The following IQSEC1 variants were observed in gnomAD, a reference collection of about 807,000 sequenced individuals.
IQSEC1 encodes IQ motif and Sec7 domain ArfGEF 1, also known as IQ motif and SEC7 domain-containing protein 1.
A neutral mutation model predicts 91.0 loss-of-function variants in IQSEC1; 31 were observed. The ratio of observed to expected loss-of-function variants is 0.34; its 90% confidence interval spans 0.26 to 0.46. The LOEUF (loss-of-function observed/expected upper bound fraction) is 0.46. Ranked by LOEUF, IQSEC1 falls within the 20% of genes least tolerant of loss-of-function variation. IQSEC1 has a pLI of 1.00. For synonymous variants in IQSEC1, 699 were observed against 662.6 expected (o/e 1.05, Z -0.84); for missense variants, 1,388 against 1,575.6 (o/e 0.88, Z 2.02).
chr3:13,068,148 G>T (rs1705297367), intron 1 of IQSEC1, among the ~76,000 whole-genome samples: 1 of 152,254 alleles, frequency 6.6e-6, no homozygotes, highest in Non-Finnish European at 1.5e-5. Flanking sequence ...CCTGCCCCGG[G>T]GCTGGGGCCA....
chr3:12,936,274 T>C lies in IQSEC1; in HGVS notation c.742A>G (p.Ser248Gly). 4 of 1,613,302 alleles carry C rather than the reference T, an allele frequency of 2.5e-6. No individual in the cohort carries two copies. Among genetic ancestry groups the C allele is most frequent in the Non-Finnish European group, 3.4e-6 (4 of 1,179,972 alleles). Residue 248 changes from serine (S) to glycine (G), a missense_variant, in exon 3 of 14, where the codon AGC (serine) becomes GGC (glycine). Physicochemically the swap from Ser to Gly is moderately conservative, Grantham distance 56. Coordinates refer to ENST00000613206, the MANE Select transcript of IQSEC1 (RefSeq NM_001134382.3). ...GCCGGTGCCTCCTCAGTGTGCAGGC[T>C]GCGGCAGTTGAGGGCATCGTCGATG... Reference protein sequence around the residue: ...ESIDDALNCRSLHTEEAPALD... With the variant: ...ESIDDALNCRGLHTEEAPALD...
intron 1 of IQSEC1, among the ~76,000 whole-genome samples, chr3:13,050,629 C>T (rs1389283408): frequency 6.6e-6 from 1 of 152,254 alleles, no homozygotes; most frequent in Non-Finnish European, 1.5e-5. Flanking sequence ...AGCTATGCCA[C>T]CTACTAGCTG....
intron 1 of IQSEC1, among the ~76,000 whole-genome samples, chr3:13,010,721 G>C (rs984776670): frequency 5.9e-5 from 9 of 152,112 alleles, no homozygotes. Context: ...ACAAATACTG[G>C]TTAATAAAAC....
intron 2 of IQSEC1, among the ~76,000 whole-genome samples, chr3:13,161,712 A>T (rs1285532382): frequency 6.6e-6 from 1 of 152,208 alleles, no homozygotes; most frequent in African/African-American, 2.4e-5. Flanking sequence ...TGCGATGTCC[A>T]CACGGCAGGG....
chr3:13,065,459 G>A (rs13061267), intron 1 of IQSEC1, among the ~76,000 whole-genome samples: 28,824 of 152,168 alleles, frequency 0.19, 3,501 homozygotes, highest in East Asian at 0.4. Context: ...CAACAAAGAC[G>A]TAACCATCCC....
At chr3:13,129,113 G>T (rs1345358053) in intron 2 of IQSEC1, among the ~76,000 whole-genome samples, 1 of 152,102 alleles carries the variant, frequency 6.6e-6, no homozygotes, top group Non-Finnish European at 1.5e-5. Flanking sequence ...ACTGAAGCCT[G>T]GAGTTTTCAT....
At chr3:12,960,849 T>C (rs9811575) in intron 1 of IQSEC1, among the ~76,000 whole-genome samples, 4,517 of 152,302 alleles carry the variant, frequency 0.03, 228 homozygotes, top group African/African-American at 0.1. Flanking sequence ...TTCCCCTTCC[T>C]GCCGGCACGC....
intron 1 of IQSEC1, among the ~76,000 whole-genome samples, chr3:13,278,744 G>C (rs1311567011): frequency 6.6e-6 from 1 of 152,102 alleles, no homozygotes; most frequent in Non-Finnish European, 1.5e-5. Flanking sequence ...GCTTGAACCT[G>C]GGAGGCGGAA....
intron 1 of IQSEC1, among the ~76,000 whole-genome samples, chr3:12,962,507 G>GT (rs1322167929): frequency 6.6e-6 from 1 of 152,218 alleles, no homozygotes; most frequent in Non-Finnish European, 1.5e-5. Flanking sequence ...AATTCTTCCA[G>GT]TTTATTAATG....
chr3:13,230,701 C>T (rs1488723445), intron 1 of IQSEC1, among the ~76,000 whole-genome samples: 1 of 152,232 alleles, frequency 6.6e-6, no homozygotes, highest in African/African-American at 2.4e-5. Flanking sequence ...CCATGGAAAG[C>T]TCTGCCCTTG....
At chr3:13,263,748 CT>C (rs1002721812) in intron 1 of IQSEC1, among the ~76,000 whole-genome samples, 16 of 149,268 alleles carry the variant, frequency 1.1e-4, no homozygotes, top group African/African-American at 3.2e-4. Context: ...CCCAGCCCCA[CT>C]TTTTTTTTTA....
chr3:13,083,293 C>T (rs560233646), intron 2 of IQSEC1, among the ~76,000 whole-genome samples: 68 of 152,338 alleles, frequency 4.5e-4, no homozygotes, highest in African/African-American at 1.6e-3. Flanking sequence ...GCAGTTCTCA[C>T]ATTCTCCCAG....
At chr3:13,276,593 C>T (rs1695685981) in intron 1 of IQSEC1, among the ~76,000 whole-genome samples, 1 of 152,172 alleles carries the variant, frequency 6.6e-6, no homozygotes, top group Non-Finnish European at 1.5e-5. Flanking sequence ...GGCTGGGATC[C>T]TGCCAGCCTG....
At position 12,941,815 on chromosome 3, in the gene IQSEC1, G is replaced by C; in HGVS notation, c.74C>G (p.Pro25Arg). The C allele has an allele frequency of 6.2e-7, 1 of 1,609,604 alleles. No individual in the cohort carries two copies. Among genetic ancestry groups the C allele is most frequent in the Non-Finnish European group, 8.5e-7 (1 of 1,179,008 alleles). ...SSETGTSLDSPSAYPQGPLVP... is the reference protein window; with the variant it reads ...SSETGTSLDSRSAYPQGPLVP... The stretch of plus-strand genomic sequence containing the variant: ...CAAGGGGCCCTGGGGGTAGGCTGAG[G>C]GGCTGTCCAGGGATGTGCCAGTCTC... Residue 25 changes from proline to arginine, a missense_variant, in exon 2 of 14, where the codon CCC (proline) becomes CGC (arginine). By Grantham distance (103) the Pro-to-Arg change is moderately radical (BLOSUM62 -2). Around this residue, in one of 2 missense-constraint regions of IQSEC1, gnomAD observed 1,059 missense variants for 1,317.8 expected, o/e 0.80. Coordinates refer to ENST00000613206, the MANE Select transcript of IQSEC1 (RefSeq NM_001134382.3).
chr3:13,138,817 A>G (rs1706753219), intron 2 of IQSEC1, among the ~76,000 whole-genome samples: 1 of 151,326 alleles, frequency 6.6e-6, no homozygotes, highest in African/African-American at 2.4e-5. Context: ...TCTGCTTGTG[A>G]GCTTCCCCTC....
At chr3:13,134,581 C>T (rs1005345497) in intron 2 of IQSEC1, among the ~76,000 whole-genome samples, 2 of 152,220 alleles carry the variant, frequency 1.3e-5, no homozygotes, top group African/African-American at 4.8e-5. Context: ...TGGCCTTTGG[C>T]GTAACTGCTT....
At chr3:12,925,322 G>T (rs960601400) in intron 3 of IQSEC1, among the ~76,000 whole-genome samples, 32 of 152,296 alleles carry the variant, frequency 2.1e-4, no homozygotes, top group African/African-American at 6.3e-4. Context: ...CTGTGCCGCC[G>T]CTGTTGAGGC....
chr3:13,237,484 G>A (rs1163297109), intron 1 of IQSEC1, among the ~76,000 whole-genome samples: 1 of 152,206 alleles, frequency 6.6e-6, no homozygotes, highest in African/African-American at 2.4e-5. Context: ...CCTGGATGAT[G>A]GAGCTATCGC....
chr3:13,279,515 G>A (rs1378487850), intron 1 of IQSEC1, among the ~76,000 whole-genome samples: 3 of 152,196 alleles, frequency 2.0e-5, no homozygotes, highest in Non-Finnish European at 4.4e-5. Flanking sequence ...CTTCCGGCAC[G>A]CAAAGTCATC....
Sources: gnomAD v4.1 joint callset for allele counts (sites outside exome capture counted in the v4.1 genomes callset) on GRCh38, gnomAD v4.1.1 for gene constraint, gnomAD v4.1.1 regional missense constraint, MANE v1.5 for transcripts, NCBI Gene and HGNC (gene_info 2026-07-23, HGNC 2026-07-21) for gene names.